Variants in ANKRD62 observed in about 807,000 individuals in gnomAD.
ANKRD62 encodes ankyrin repeat domain-containing protein 62.
ANKRD62 carries 61 observed loss-of-function variants against 98.8 expected under a neutral mutation model. That is an observed-to-expected ratio of 0.62 (90% confidence interval 0.50 to 0.76). ANKRD62 has a LOEUF of 0.76. Among genes scored for constraint, ANKRD62 ranks in the 30% least tolerant of loss-of-function variants. The pLI, the probability that ANKRD62 is intolerant of heterozygous loss-of-function variation, is 0.00. For missense variants in ANKRD62, 933 were observed against 1,082.9 expected (o/e 0.86, Z 1.94); for synonymous variants, 341 against 367.9 (o/e 0.93, Z 0.84).
rs1347730607 is a variant in ANKRD62, at chr18:12,093,945, AG to A, written c.-71del. On this transcript the variant is annotated 5_prime_UTR_variant, in exon 1 of 14. Coordinates refer to ENST00000587848, the MANE Select transcript of ANKRD62 (RefSeq NM_001277333.2). ...TACGTGCTGGTGCTGCGCTCCAGAGAGGCAGAAAACGAGTGGGAGCTGAGGT... is the reference window on the plus strand; with the variant it reads ...TACGTGCTGGTGCTGCGCTCCAGAGAGCAGAAAACGAGTGGGAGCTGAGGT... The A allele has an allele frequency of 7.7e-6, 11 of 1,433,752 alleles. No homozygotes were observed. Among genetic ancestry groups the A allele is most frequent in the Non-Finnish European group, 1.0e-5 (11 of 1,057,872 alleles). 88.8% of individuals were successfully genotyped at this position (1,433,752 alleles called of 1,614,324 possible).
chr18:12,116,651 T>G (rs1568063413), intron 10 of ANKRD62, among the ~76,000 whole-genome samples: 1 of 152,216 alleles, frequency 6.6e-6, no homozygotes, highest in Non-Finnish European at 1.5e-5. Context: ...TGTTGATGTA[T>G]AATAATTGTT....
chr18:12,160,258 A>G, the ANKRD62 span, among the ~76,000 whole-genome samples: 1 of 152,290 alleles, frequency 6.6e-6, no homozygotes, highest in South Asian at 2.1e-4. Flanking sequence ...AGCCTTTACC[A>G]TAAGCTCATA....
chr18:12,167,124 G>C, the ANKRD62 span, among the ~76,000 whole-genome samples: 1 of 150,680 alleles, frequency 6.6e-6, no homozygotes, highest in Non-Finnish European at 1.5e-5. Context: ...GTTATACTAA[G>C]TTTTTTAAAT....
chr18:12,105,726 T>A (rs1909399801), intron 7 of ANKRD62, among the ~76,000 whole-genome samples: 1 of 152,064 alleles, frequency 6.6e-6, no homozygotes, highest in South Asian at 2.1e-4. Flanking sequence ...GTTTCTCAAT[T>A]TAAATGATAG....
chr18:12,149,988 G>C, the ANKRD62 span, among the ~76,000 whole-genome samples: 1 of 152,172 alleles, frequency 6.6e-6, no homozygotes, highest in Non-Finnish European at 1.5e-5. Flanking sequence ...GCAGGAATGA[G>C]GACCGTTGAG....
At chr18:12,177,301 C>A in the ANKRD62 span, among the ~76,000 whole-genome samples, 1 of 152,392 alleles carries the variant, frequency 6.6e-6, no homozygotes, top group Admixed American at 6.5e-5. Flanking sequence ...GGAGGAGACA[C>A]CAGTGGACAC....
chr18:12,141,154 A>G, the ANKRD62 span, among the ~76,000 whole-genome samples: 1 of 152,214 alleles, frequency 6.6e-6, no homozygotes, highest in Admixed American at 6.5e-5. Context: ...TCTCCGAGCC[A>G]TGTGTGGGAT....
At chr18:12,113,104 A>G (rs569505846) in intron 8 of ANKRD62, among the ~76,000 whole-genome samples, 1 of 151,976 alleles carries the variant, frequency 6.6e-6, no homozygotes, top group Non-Finnish European at 1.5e-5. Context: ...CGTGTTGGTC[A>G]GGCTGGTCTC....
rs1373455077 is a variant in ANKRD62 at position 12,102,166 on chromosome 18, T to A, written c.821-992T>A. ...AACTTGTCCAAGGCCCGAGTAACTA[T>A]GAAGAGTGAGGGTTGCAGCAAGGAG... On this transcript the variant is annotated intron_variant, in intron 6 of 13. Transcript: ENST00000587848. 4.9e-6 allele frequency: 5 copies of A among 1,023,926 alleles called. No individual in the cohort carries two copies. In the East Asian group the frequency reaches 1.2e-4, roughly 24 times the overall value. The allele number at this position is 1,023,926 out of a possible 1,614,324, so 63.4% of individuals were successfully genotyped here. A position where few individuals can be genotyped will look rare whatever the true frequency, so the allele number is the denominator to read the frequency against.
In ANKRD62 at chr18:12,125,392, G is replaced by T. The variant is rs988604767; in HGVS notation, c.1639-68G>T. 7.4e-6 allele frequency: 10 copies of T among 1,343,950 alleles called. No individual in the cohort carries two copies. The African/African-American group carries it at 1.5e-4, about 20-fold the overall frequency. 83.3% of individuals were successfully genotyped at this position (1,343,950 alleles called of 1,614,324 possible). On this transcript the variant is annotated intron_variant, in intron 12 of 13. Coordinates refer to ENST00000587848, the MANE Select transcript of ANKRD62 (RefSeq NM_001277333.2). ...AAACGTACAGGTTATTACTTATTTAGTTTCAGAAGAAATCATAATATGTCA... is the reference window on the plus strand; with the variant it reads ...AAACGTACAGGTTATTACTTATTTATTTTCAGAAGAAATCATAATATGTCA...
chr18:12,163,116 T>TTTTAACAACACTTAACAACA, the ANKRD62 span, among the ~76,000 whole-genome samples: 1 of 152,116 alleles, frequency 6.6e-6, no homozygotes, highest in Non-Finnish European at 1.5e-5. Flanking sequence ...AGTGTGGACA[T>TTTTAACAACACTTAACAACA]TTTAACAACA....
At chr18:12,125,077 T>A (rs1280725953) in intron 12 of ANKRD62, among the ~76,000 whole-genome samples, 1 of 152,192 alleles carries the variant, frequency 6.6e-6, no homozygotes, top group Non-Finnish European at 1.5e-5. Flanking sequence ...AGACTCTTAC[T>A]ATAGGGAAAG....
Position 12,094,045 on chromosome 18 carries a change from G to T in ANKRD62, c.28G>T (p.Ala10Ser), listed in dbSNP as rs1474403309. The T allele has an allele frequency of 6.5e-7, 1 of 1,535,166 alleles. No individual in the cohort carries two copies. The highest frequency in any genetic ancestry group is 1.4e-5 in the African/African-American group (1 of 72,868). Residue 10 changes from alanine (A) to serine (S), a missense_variant, in exon 1 of 14, where the codon GCC becomes TCC. Physicochemically the swap from Ala to Ser is moderately conservative, Grantham distance 99. Around this residue, in one of 3 missense-constraint regions of ANKRD62, gnomAD observed 549 missense variants for 587.9 expected, o/e 0.93. Coordinates refer to ENST00000587848, the MANE Select transcript of ANKRD62 (RefSeq NM_001277333.2). The part of the protein sequence containing the change: MEVRGSFLA[A>S]CRRRMATWRK... ...GGAGGTCAGGGGGTCGTTCCTGGCG[G>T]CCTGCAGGAGACGCATGGCTACCTG...
chr18:12,163,688 T>C, the ANKRD62 span, among the ~76,000 whole-genome samples: 3 of 152,068 alleles, frequency 2.0e-5, no homozygotes, highest in East Asian at 5.8e-4. Context: ...GTTCCTTTTA[T>C]ACCCAGTTTT....
At chr18:12,131,736 AGTGTGTGT>A (rs59080091), downstream of ANKRD62, among the ~76,000 whole-genome samples, 2 of 148,714 alleles carry the variant, frequency 1.3e-5, no homozygotes, top group Admixed American at 6.7e-5. Context: ...TGTATGTGTG[AGTGTGTGT>A]GTGTGTGTGT....
chr18:12,152,889 A>G, the ANKRD62 span, among the ~76,000 whole-genome samples: 2 of 152,070 alleles, frequency 1.3e-5, no homozygotes, highest in East Asian at 3.9e-4. Flanking sequence ...GCAAGATTCC[A>G]TTTCCAAAGA....
the ANKRD62 span, among the ~76,000 whole-genome samples, chr18:12,171,785 G>C: frequency 1.3e-5 from 2 of 152,196 alleles, no homozygotes; most frequent in Non-Finnish European, 2.9e-5. Flanking sequence ...CCACTCAGAC[G>C]TAGATTTGGT....
At chr18:12,097,879 GT>G in intron 5 of ANKRD62, 102 bp downstream of exon 5, 1 of 1,384,210 alleles carries the variant, frequency 7.2e-7, no homozygotes. Flanking sequence ...GGTTCAGGTA[GT>G]TTTGGAGTGG....
At chr18:12,146,090 C>A in the ANKRD62 span, among the ~76,000 whole-genome samples, 1 of 152,066 alleles carries the variant, frequency 6.6e-6, no homozygotes, top group African/African-American at 2.4e-5. Context: ...GACTGCAGGC[C>A]AACCTGCGGT....
Sources: allele counts gnomAD v4.1 joint callset (sites outside exome capture counted in the v4.1 genomes callset), GRCh38; gene constraint gnomAD v4.1.1; regional missense constraint gnomAD v4.1.1; transcripts MANE v1.5; gene names NCBI Gene and HGNC (gene_info 2026-07-23, HGNC 2026-07-21).